KCNH4: variants seen among roughly 807,000 people sequenced by gnomAD.
KCNH4 encodes potassium voltage-gated channel subfamily H member 4, also known as voltage-gated delayed rectifier potassium channel KCNH4.
In KCNH4, 33 loss-of-function variants were observed where a neutral mutation model predicts 90.7. That is an observed-to-expected ratio of 0.36 (90% CI 0.28 to 0.49). KCNH4 has a LOEUF of 0.49. Among genes scored for constraint, KCNH4 ranks in the 20% least tolerant of loss-of-function variants. The pLI, the probability that KCNH4 is intolerant of heterozygous loss-of-function variation, is 0.98. For missense variants in KCNH4, 1,044 were observed against 1,387.1 expected (o/e 0.75, Z 3.93); for synonymous variants, 551 against 581.7 (o/e 0.95, Z 0.76).
At chr17:42,175,932 A>T in intron 5 of KCNH4, 122 bp downstream of exon 5, 1 of 1,301,446 alleles carries the variant, frequency 7.7e-7, no homozygotes. Flanking sequence ...ATTGGGACTT[A>T]AAGATGCAGA....
At position 42,163,422 on chromosome 17, in the gene KCNH4, C is replaced by A; in HGVS notation, c.2478-88G>T. ...CAGAGGGGGACTGGGGGCAGCAGTG[C>A]CAGGGGGCGGAGCAAGAGCAGCAGT... On this transcript the variant is annotated intron_variant, in intron 13 of 16. Transcript: ENST00000264661. This position sits in a 1 kb window ranked among gnomAD's most constrained non-coding sequence, Gnocchi z 5.4. 1.0e-6 allele frequency: 1 copy of A among 996,586 alleles called. No homozygotes were observed. The highest frequency in any genetic ancestry group is 1.5e-6 in the Non-Finnish European group (1 of 650,590). 61.7% of individuals were successfully genotyped at this position (996,586 alleles called of 1,614,324 possible).
At chr17:42,167,159 C>T (rs1037833783) in intron 9 of KCNH4, among the ~76,000 whole-genome samples, 1 of 152,202 alleles carries the variant, frequency 6.6e-6, no homozygotes, top group African/African-American at 2.4e-5. Flanking sequence ...CCTCAGCCAA[C>T]ACCCTGGACT....
intron 6 of KCNH4, among the ~76,000 whole-genome samples, chr17:42,173,690 G>GTTT (rs1298097790): frequency 2.5e-5 from 2 of 80,158 alleles, no homozygotes; most frequent in South Asian, 4.7e-4. Context: ...TAGCGATCTG[G>GTTT]TTCTTTTTTT....
In KCNH4 at chr17:42,159,875, A is replaced by G. The variant is rs762819600; in HGVS notation, c.*165T>C. 10 of 475,072 alleles carry G rather than the reference A, an allele frequency of 2.1e-5. No individual in the cohort carries two copies. Among genetic ancestry groups the G allele is most frequent in the Middle Eastern group, 5.5e-4 (1 of 1,820 alleles). 29.4% of individuals were successfully genotyped at this position (475,072 alleles called of 1,614,324 possible). A position where few individuals can be genotyped will look rare whatever the true frequency, so the allele number is the denominator to read the frequency against. ...GGTTGGGGAAGGCTTGGAAAAGGGA[A>G]TAGCGTCAGAGGTAACCACGCTTCA... On this transcript the variant is annotated 3_prime_UTR_variant, in exon 16 of 17. Coordinates refer to ENST00000264661, the MANE Select transcript of KCNH4 (RefSeq NM_012285.3).
At chr17:42,177,559 G>A (rs750080101) in intron 4 of KCNH4, among the ~76,000 whole-genome samples, 1 of 152,154 alleles carries the variant, frequency 6.6e-6, no homozygotes, top group Non-Finnish European at 1.5e-5. Flanking sequence ...TAGCTTGAGG[G>A]GTACCTAACT....
intron 4 of KCNH4, 132 bp from the exon 5 acceptor site, chr17:42,176,429 A>AGTTTTTTAAT: frequency 1.4e-6 from 1 of 725,786 alleles, no homozygotes; most frequent in Non-Finnish European, 2.2e-6. Context: ...GAATGAAAGG[A>AGTTTTTTAAT]GATAGAAGGC....
chr17:42,176,108 T>C lies in KCNH4; in HGVS notation c.775A>G (p.Thr259Ala). The C allele has an allele frequency of 2.5e-6, 4 of 1,612,906 alleles. No homozygotes were observed. Among genetic ancestry groups the C allele is most frequent in the Non-Finnish European group, 3.4e-6 (4 of 1,179,408 alleles). Residue 259 changes from threonine (T) to alanine (A), a missense_variant, in exon 5 of 17, where the codon ACT (threonine) becomes GCT (alanine). Physicochemically the swap from Thr to Ala is moderately conservative, Grantham distance 58. This residue lies in a region of KCNH4 where 283 missense variants were observed against 378.6 expected (regional missense o/e 0.75). Transcript: ENST00000264661. ...TCGCTGACAAGGGTGTGTCGCGAAG[T>C]GATGGGGGTGTCATCGTCACCCGAG... ...CFSGDDDTPI[T>A]SRHTLVSDIA...
Position 42,163,169 on chromosome 17 carries a change from G to T in KCNH4, c.2584+59C>A. On this transcript the variant is annotated intron_variant, in intron 14 of 16. Transcript: ENST00000264661. This position sits in a 1 kb window ranked among gnomAD's most constrained non-coding sequence, Gnocchi z 5.4. Reference sequence around the variant, plus strand: ...GGTAGGCCCCTACTACATATGGGATGGATGGACAGGTGGATGGGCAGATGG... The same window carrying T: ...GGTAGGCCCCTACTACATATGGGATTGATGGACAGGTGGATGGGCAGATGG... 1 of 1,180,348 alleles carries T rather than the reference G, an allele frequency of 8.5e-7. No homozygotes were observed. Among genetic ancestry groups the T allele is most frequent in the Non-Finnish European group, 1.3e-6 (1 of 785,690 alleles). The allele number at this position is 1,180,348 out of a possible 1,614,324, so 73.1% of individuals were successfully genotyped here. A position where few individuals can be genotyped will look rare whatever the true frequency, so the allele number is the denominator to read the frequency against.
chr17:42,172,536 AACACACAC>A (rs55671197), intron 6 of KCNH4, among the ~76,000 whole-genome samples: 1,947 of 136,724 alleles, frequency 0.014, 37 homozygotes, highest in East Asian at 0.057. Flanking sequence ...CTTATTTAAC[AACACACAC>A]ACACACACAC....
rs751064047 is a variant in KCNH4 at position 42,163,962 on chromosome 17, C to T, written c.2125-4G>A. The T allele has an allele frequency of 1.2e-5, 18 of 1,530,318 alleles. No homozygotes were observed. Among genetic ancestry groups the T allele is most frequent in the African/African-American group, 8.3e-5 (6 of 72,342 alleles). The allele number at this position is 1,530,318 out of a possible 1,614,324, so 94.8% of individuals were successfully genotyped here. ...AGCCGAGGCTTTCTGAGCGGGGCTGCGGGCAGAGGGGGCAGCTGATGTCGC... is the reference window on the plus strand; with the variant it reads ...AGCCGAGGCTTTCTGAGCGGGGCTGTGGGCAGAGGGGGCAGCTGATGTCGC... On this transcript the variant is annotated splice_polypyrimidine_tract_variant and splice_region_variant and intron_variant, in intron 12 of 16. Transcript: ENST00000264661. The surrounding 1 kb of genome is among the most constrained non-coding windows in gnomAD (Gnocchi z 5.4).
At chr17:42,168,206 G>A (rs1456155753) in intron 9 of KCNH4, among the ~76,000 whole-genome samples, 1 of 152,152 alleles carries the variant, frequency 6.6e-6, no homozygotes, top group Non-Finnish European at 1.5e-5. Context: ...GTCTCCCTGA[G>A]GGCCAGGGCT....
intron 9 of KCNH4, among the ~76,000 whole-genome samples, chr17:42,167,954 T>C (rs2079799267): frequency 6.6e-6 from 1 of 152,152 alleles, no homozygotes; most frequent in Admixed American, 6.5e-5. Context: ...TCCGCAGCAC[T>C]CACATGCCCA....
Position 42,178,361 on chromosome 17 carries a change from G to A in KCNH4, c.427C>T (p.Pro143Ser). The A allele has an allele frequency of 6.2e-7, 1 of 1,614,254 alleles. No homozygotes were observed. Among genetic ancestry groups the A allele is most frequent in the African/African-American group, 1.3e-5 (1 of 75,068 alleles). ...TTACTGTCCCCGCGGCCTCCTTGGG[G>A]GCCAAGTCCTGGGCTTCCACTCTGA... ...ITQSGSPGLGPQGGRGDSNHE... is the reference protein window; with the variant it reads ...ITQSGSPGLGSQGGRGDSNHE... The change falls in exon 3 of 17, where the codon CCC becomes TCC. Residue 143 changes from proline (P) to serine (S), a missense_variant. By Grantham distance (74) the Pro-to-Ser change is moderately conservative. This residue lies in a region of KCNH4 where 283 missense variants were observed against 378.6 expected (regional missense o/e 0.75). Coordinates refer to ENST00000264661, the MANE Select transcript of KCNH4 (RefSeq NM_012285.3).
chr17:42,164,249 T>G, intron 11 of KCNH4, 81 bp from the exon 12 acceptor site: 1 of 1,267,394 alleles, frequency 7.9e-7, no homozygotes, highest in South Asian at 1.6e-5. Flanking sequence ...CACCCAACAG[T>G]GTTATGGGGT....
chr17:42,167,612 C>T (rs2079797087), intron 9 of KCNH4, among the ~76,000 whole-genome samples: 2 of 152,132 alleles, frequency 1.3e-5, no homozygotes, highest in African/African-American at 2.4e-5. Context: ...CTCTGGACCT[C>T]CCCCAGGCAC....
chr17:42,178,480 G>A lies in KCNH4; in HGVS notation c.311-3C>T, dbSNP rs763296056. 2.1e-5 allele frequency: 34 copies of A among 1,614,010 alleles called. No homozygotes were observed. Among genetic ancestry groups the A allele is most frequent in the Non-Finnish European group, 2.9e-5 (34 of 1,180,004 alleles). On this transcript the variant is annotated splice_polypyrimidine_tract_variant and splice_region_variant and intron_variant, in intron 2 of 16. Coordinates refer to ENST00000264661, the MANE Select transcript of KCNH4 (RefSeq NM_012285.3). ...CAGGAGGCACCAAAAGGCTGAGCCT[G>A]TAGGCATGGAGAGAGGGAAGGGAGG...
Position 42,179,239 on chromosome 17 carries a change from G to T in KCNH4, c.77-213C>A, listed in dbSNP as rs927068642. Among the ~76,000 whole-genome samples the T allele has an allele frequency of 3.3e-5, 5 of 152,224 alleles. No individual in the cohort carries two copies. In the South Asian group the frequency reaches 1.0e-3, roughly 31 times the overall value. The stretch of plus-strand genomic sequence containing the variant: ...GGACTTGAGACAGGACTTAAGCAGG[G>T]TCTAACGGGGAGTTGGAGAAGGACC... On this transcript the variant is annotated intron_variant, in intron 1 of 16. Transcript: ENST00000264661.
At chr17:42,162,350 C>A (rs2079754832) in intron 14 of KCNH4, 29 bp from the exon 15 acceptor site, 1 of 1,598,538 alleles carries the variant, frequency 6.3e-7, no homozygotes, top group East Asian at 2.2e-5. Context: ...CAGGTGAGTT[C>A]ATGGAGCATT....
intron 6 of KCNH4, among the ~76,000 whole-genome samples, chr17:42,174,629 G>A (rs1204135042): frequency 6.6e-6 from 1 of 152,116 alleles, no homozygotes; most frequent in Non-Finnish European, 1.5e-5. Flanking sequence ...TGAGTGCAGG[G>A]AGAGAGCACA....
Sources: gnomAD v4.1 joint callset for allele counts (sites outside exome capture counted in the v4.1 genomes callset) on GRCh38, gnomAD v4.1.1 for gene constraint, gnomAD v4.1.1 regional missense constraint, Gnocchi (gnomAD v3.1) non-coding constraint, MANE v1.5 for transcripts, NCBI Gene and HGNC (gene_info 2026-07-23, HGNC 2026-07-21) for gene names.